The following ZBTB20 variants were observed in gnomAD, a reference collection of about 807,000 sequenced individuals.
ZBTB20 encodes zinc finger and BTB domain containing 20, also known as zinc finger and BTB domain-containing protein 20.
A neutral mutation model predicts 56.9 loss-of-function variants in ZBTB20; 9 were observed. That is an observed-to-expected ratio of 0.16 (90% CI 0.10 to 0.28). The LOEUF (loss-of-function observed/expected upper bound fraction) is 0.28. Ranked by LOEUF, ZBTB20 falls within the 10% of genes least tolerant of loss-of-function variation. The pLI, the probability that ZBTB20 is intolerant of heterozygous loss-of-function variation, is 1.00. For synonymous variants in ZBTB20, 417 were observed against 420.7 expected (o/e 0.99, Z 0.11); for missense variants, 655 against 1,003.0 (o/e 0.65, Z 4.69).
intron 6 of ZBTB20, among the ~76,000 whole-genome samples, chr3:114,537,856 A>T (rs2048659932): frequency 6.6e-6 from 1 of 152,174 alleles, no homozygotes; most frequent in South Asian, 2.1e-4. Context: ...ACTGGAAACC[A>T]TCGTTCTCAG....
At chr3:114,903,092 T>C (rs2075184523) in intron 3 of ZBTB20, among the ~76,000 whole-genome samples, 1 of 152,096 alleles carries the variant, frequency 6.6e-6, no homozygotes, top group Admixed American at 6.6e-5. Flanking sequence ...CAGTGATCCA[T>C]AGACTGGGGC....
intron 7 of ZBTB20, chr3:114,418,970 G>C (rs964429542): frequency 6.6e-6 from 1 of 152,020 alleles, no homozygotes; most frequent in Admixed American, 6.6e-5. Flanking sequence ...TAATCATTTA[G>C]GGTAGAAAGA....
chr3:114,424,163 A>G (rs1328184048), intron 7 of ZBTB20, among the ~76,000 whole-genome samples: 1 of 152,222 alleles, frequency 6.6e-6, no homozygotes, highest in African/African-American at 2.4e-5. Flanking sequence ...ATTCAGGGAC[A>G]CATCTTTTGA....
intron 3 of ZBTB20, among the ~76,000 whole-genome samples, chr3:114,915,791 A>AT (rs2075720433): frequency 6.6e-6 from 1 of 151,990 alleles, no homozygotes; most frequent in Admixed American, 6.6e-5. Flanking sequence ...AACTTTTAAA[A>AT]TTTCCTTCAT....
chr3:115,048,820 C>T (rs2081431230), intron 2 of ZBTB20, among the ~76,000 whole-genome samples: 1 of 152,028 alleles, frequency 6.6e-6, no homozygotes, highest in African/African-American at 2.4e-5. Flanking sequence ...TGTCTTAAAA[C>T]AGTAATTTTT....
At position 114,316,227 on chromosome 3, in the gene ZBTB20, A is replaced by G. The variant is rs188607223; in HGVS notation, c.*22778T>C. 152 of 317,544 alleles carry G rather than the reference A, an allele frequency of 4.8e-4. No homozygotes were observed. The highest frequency in any genetic ancestry group is 3.3e-3 in the Middle Eastern group (3 of 904). 19.7% of individuals were successfully genotyped at this position (317,544 alleles called of 1,614,324 possible). On this transcript the variant is annotated 3_prime_UTR_variant, in exon 12 of 12. Coordinates refer to ENST00000675478, the MANE Select transcript of ZBTB20 (RefSeq NM_001348800.3). ...ACATTACTGCATTCGCATCGGATCA[A>G]GATGGTTTCGCCCATTTTTCCTTTT...
intron 1 of ZBTB20, among the ~76,000 whole-genome samples, chr3:115,142,155 G>C (rs574154213): frequency 2.0e-5 from 3 of 152,190 alleles, no homozygotes; most frequent in African/African-American, 7.2e-5. Context: ...AAATCACCAG[G>C]GAACCCTGAA....
intron 5 of ZBTB20, among the ~76,000 whole-genome samples, chr3:114,748,347 TTC>T (rs1288142133): frequency 7.0e-4 from 59 of 84,050 alleles, no homozygotes; most frequent in African/African-American, 2.4e-3. Flanking sequence ...CTTTCTTTCT[TTC>T]TTTTCTCTCT....
chr3:114,419,787 G>C (rs564516261), intron 7 of ZBTB20, among the ~76,000 whole-genome samples: 23 of 152,212 alleles, frequency 1.5e-4, no homozygotes, highest in African/African-American at 5.3e-4. Context: ...CGAAAGAAGA[G>C]AAACATACCG....
intron 10 of ZBTB20, among the ~76,000 whole-genome samples, chr3:114,358,202 G>T (rs752040397): frequency 2.0e-5 from 3 of 152,164 alleles, no homozygotes; most frequent in Non-Finnish European, 4.4e-5. Flanking sequence ...TTACTTGCAA[G>T]ATCTATAGCA....
At chr3:115,093,364 A>G (rs539036882) in intron 1 of ZBTB20, among the ~76,000 whole-genome samples, 4 of 152,314 alleles carry the variant, frequency 2.6e-5, no homozygotes, top group Admixed American at 1.3e-4. Flanking sequence ...TAAGAACACA[A>G]TTATTTTTAT....
At chr3:115,051,572 G>C (rs573682938) in intron 2 of ZBTB20, among the ~76,000 whole-genome samples, 2 of 152,274 alleles carry the variant, frequency 1.3e-5, no homozygotes, top group South Asian at 4.1e-4. Flanking sequence ...AATTAACGTT[G>C]TTACAGTAAT....
At chr3:114,432,018 T>A (rs1480710713) in intron 7 of ZBTB20, among the ~76,000 whole-genome samples, 1 of 152,158 alleles carries the variant, frequency 6.6e-6, no homozygotes, top group Non-Finnish European at 1.5e-5. Context: ...ATAACGGATG[T>A]GCAGTTGTCT....
chr3:114,491,403 A>C (rs1019193027), intron 7 of ZBTB20, among the ~76,000 whole-genome samples: 1 of 152,174 alleles, frequency 6.6e-6, no homozygotes, highest in African/African-American at 2.4e-5. Context: ...GAACGATTTC[A>C]AATCTCTACT....
intron 4 of ZBTB20, among the ~76,000 whole-genome samples, chr3:114,847,683 G>A (rs2074783847): frequency 6.6e-6 from 1 of 152,028 alleles, no homozygotes; most frequent in South Asian, 2.1e-4. Flanking sequence ...GCTCTCACCT[G>A]AACTGCTCTT....
intron 5 of ZBTB20, among the ~76,000 whole-genome samples, chr3:114,792,815 G>T (rs1277438593): frequency 2.0e-5 from 3 of 151,736 alleles, no homozygotes; most frequent in African/African-American, 7.3e-5. Context: ...CTGGTCTTTA[G>T]AAAACAGTGC....
At chr3:114,998,213 A>T (rs2079103726) in intron 2 of ZBTB20, among the ~76,000 whole-genome samples, 1 of 151,734 alleles carries the variant, frequency 6.6e-6, no homozygotes, top group Non-Finnish European at 1.5e-5. Context: ...GAGGAAGTTG[A>T]CCTAGTACAA....
intron 3 of ZBTB20, among the ~76,000 whole-genome samples, chr3:114,949,044 C>T (rs2076978038): frequency 6.9e-6 from 1 of 145,738 alleles, no homozygotes; most frequent in Non-Finnish European, 1.5e-5. Flanking sequence ...TCTAAATGTT[C>T]ACTACTTAGT....
chr3:114,522,595 G>A (rs2046766786), intron 6 of ZBTB20, among the ~76,000 whole-genome samples: 1 of 152,166 alleles, frequency 6.6e-6, no homozygotes, highest in South Asian at 2.1e-4. Context: ...AGACAATTAG[G>A]AGGCTACTGC....
Sources: allele counts gnomAD v4.1 joint callset (sites outside exome capture counted in the v4.1 genomes callset), GRCh38; gene constraint gnomAD v4.1.1; transcripts MANE v1.5; gene names NCBI Gene and HGNC (gene_info 2026-07-23, HGNC 2026-07-21).